The following GRIN2A variants were observed in gnomAD, a reference collection of about 807,000 sequenced individuals.
GRIN2A encodes glutamate receptor ionotropic, NMDA 2A.
GRIN2A carries 22 observed loss-of-function variants against 113.4 expected under a neutral mutation model. The observed-to-expected ratio is 0.19, with a 90% CI of 0.14 to 0.28. The LOEUF is 0.28. GRIN2A is among the 10% of genes least tolerant of loss of function. The pLI, the probability that GRIN2A is intolerant of heterozygous loss-of-function variation, is 1.00. For missense variants in GRIN2A, 1,502 were observed against 1,887.0 expected (o/e 0.80, Z 3.78); for synonymous variants, 827 against 738.4 (o/e 1.12, Z -1.94).
intron 2 of GRIN2A, among the ~76,000 whole-genome samples, chr16:9,969,864 C>T (rs747079077): frequency 2.6e-5 from 4 of 152,226 alleles, no homozygotes; most frequent in Non-Finnish European, 5.9e-5. Flanking sequence ...CACTGCTGAA[C>T]AACTCTGCCT....
intron 2 of GRIN2A, among the ~76,000 whole-genome samples, chr16:10,178,303 T>C (rs911014421): frequency 6.6e-5 from 10 of 152,200 alleles, no homozygotes; most frequent in African/African-American, 2.2e-4. Context: ...TGATCCCTTG[T>C]CCCTCCTGAA....
chr16:10,126,966 G>A (rs1453170434), intron 2 of GRIN2A, among the ~76,000 whole-genome samples: 1 of 152,134 alleles, frequency 6.6e-6, no homozygotes, highest in African/African-American at 2.4e-5. Context: ...AGCCTTTTCT[G>A]GGGGAGTTGG....
chr16:9,950,777 C>G (rs1309260378), intron 2 of GRIN2A, among the ~76,000 whole-genome samples: 1 of 152,190 alleles, frequency 6.6e-6, no homozygotes, highest in Non-Finnish European at 1.5e-5. Context: ...GAAACTGGCT[C>G]AACCCCTTAA....
intron 11 of GRIN2A, among the ~76,000 whole-genome samples, chr16:9,796,149 C>T (rs1902968258): frequency 6.6e-6 from 1 of 152,172 alleles, no homozygotes; most frequent in Admixed American, 6.5e-5. Context: ...ATAATAGATG[C>T]TTCGAGAGTG....
chr16:10,106,549 C>G (rs1003868702), intron 2 of GRIN2A, among the ~76,000 whole-genome samples: 5 of 151,940 alleles, frequency 3.3e-5, no homozygotes, highest in Non-Finnish European at 7.4e-5. Flanking sequence ...TTCTAAGTCC[C>G]TTGAAGATAG....
At chr16:9,932,146 T>C (rs546288361) in intron 3 of GRIN2A, among the ~76,000 whole-genome samples, 1 of 152,344 alleles carries the variant, frequency 6.6e-6, no homozygotes, top group East Asian at 1.9e-4. Flanking sequence ...GGGCCTCTAC[T>C]ATGGAATATT....
At position 10,028,381 on chromosome 16, in the gene GRIN2A, A is replaced by G. The variant is rs1464288810; in HGVS notation, c.415-89830T>C. 5.3e-5 allele frequency among the ~76,000 whole-genome samples: 8 copies of G among 152,294 alleles called. No individual in the cohort carries two copies. In the East Asian group the frequency reaches 1.5e-3, roughly 29 times the overall value. On this transcript the variant is annotated intron_variant, in intron 2 of 12. Coordinates refer to ENST00000330684, the MANE Select transcript of GRIN2A (RefSeq NM_001134407.3). Reference sequence around the variant, plus strand: ...TGTGCTCCCATTTACACAGTGTGGCACTGTCGCTGGGAGGCAGCTGCCCAG... The same window carrying G: ...TGTGCTCCCATTTACACAGTGTGGCGCTGTCGCTGGGAGGCAGCTGCCCAG...
chr16:9,935,034 AACAGCATTTC>A (rs1266612155), intron 3 of GRIN2A, among the ~76,000 whole-genome samples: 2 of 152,188 alleles, frequency 1.3e-5, no homozygotes, highest in Non-Finnish European at 2.9e-5. Flanking sequence ...GAAATTGCGC[AACAGCATTTC>A]ACAGCAGCAG....
chr16:10,137,803 C>A (rs2049231495), intron 2 of GRIN2A, among the ~76,000 whole-genome samples: 1 of 152,196 alleles, frequency 6.6e-6, no homozygotes, highest in South Asian at 2.1e-4. Context: ...AGGGCTGAAG[C>A]AATGCAAGCC....
chr16:10,108,618 C>G (rs533021392), intron 2 of GRIN2A, among the ~76,000 whole-genome samples: 4 of 152,314 alleles, frequency 2.6e-5, no homozygotes, highest in African/African-American at 9.6e-5. Flanking sequence ...TGTTCAGGGT[C>G]ACACACTTAG....
intron 11 of GRIN2A, among the ~76,000 whole-genome samples, chr16:9,769,452 T>C (rs762690055): frequency 6.9e-3 from 68 of 9,868 alleles, no homozygotes; most frequent in African/African-American, 0.014. Context: ...GAGTTTTGTC[T>C]TTTTTTTTTT....
intron 11 of GRIN2A, among the ~76,000 whole-genome samples, chr16:9,795,096 C>A (rs986659466): frequency 2.0e-5 from 3 of 151,994 alleles, no homozygotes; most frequent in African/African-American, 7.3e-5. Flanking sequence ...CAGAACACTC[C>A]ATCTTAAATA....
intron 4 of GRIN2A, among the ~76,000 whole-genome samples, chr16:9,887,399 C>T (rs1349634384): frequency 6.6e-6 from 1 of 152,126 alleles, no homozygotes; most frequent in Non-Finnish European, 1.5e-5. Flanking sequence ...CGTTTGCCTC[C>T]CTTGAACTTT....
intron 3 of GRIN2A, among the ~76,000 whole-genome samples, chr16:9,937,318 A>G (rs887916765): frequency 1.3e-5 from 2 of 152,222 alleles, no homozygotes; most frequent in Non-Finnish European, 2.9e-5. Context: ...GGGTGACTAT[A>G]GTCAATAATA....
intron 3 of GRIN2A, among the ~76,000 whole-genome samples, chr16:9,934,760 C>G (rs865988927): frequency 8.9e-5 from 13 of 145,294 alleles, no homozygotes; most frequent in African/African-American, 3.0e-4. Flanking sequence ...TGGCCTTTCT[C>G]TAGCTCCCTG....
At chr16:10,036,839 C>T (rs542661772) in intron 2 of GRIN2A, 3 of 152,196 alleles carry the variant, frequency 2.0e-5, no homozygotes, top group Admixed American at 6.5e-5. Flanking sequence ...TTTATAAGGA[C>T]ACCAGTCTTA....
intron 2 of GRIN2A, among the ~76,000 whole-genome samples, chr16:10,085,620 T>C (rs2048072074): frequency 6.6e-6 from 1 of 152,104 alleles, no homozygotes. Context: ...CAAACCTGTA[T>C]AAAGCGAGGG....
At chr16:10,097,746 G>A (rs1285016135) in intron 2 of GRIN2A, among the ~76,000 whole-genome samples, 1 of 152,118 alleles carries the variant, frequency 6.6e-6, no homozygotes, top group African/African-American at 2.4e-5. Context: ...TAACATGTAG[G>A]AGAACTAAAG....
intron 2 of GRIN2A, among the ~76,000 whole-genome samples, chr16:9,975,062 G>C (rs1281907465): frequency 6.6e-6 from 1 of 151,960 alleles, no homozygotes; most frequent in Non-Finnish European, 1.5e-5. Flanking sequence ...AAATTTTATA[G>C]GAATTAAAGT....
Sources: allele counts gnomAD v4.1 joint callset (sites outside exome capture counted in the v4.1 genomes callset), GRCh38; gene constraint gnomAD v4.1.1; transcripts MANE v1.5; gene names NCBI Gene and HGNC (gene_info 2026-07-23, HGNC 2026-07-21).